Variants in TMPRSS11A observed in about 807,000 individuals in gnomAD.
The protein encoded by TMPRSS11A is transmembrane protease serine 11A.
A neutral mutation model predicts 58.9 loss-of-function variants in TMPRSS11A; 53 were observed. The observed-to-expected ratio is 0.90, with a 90% CI of 0.72 to 1.13. TMPRSS11A has a LOEUF of 1.13. TMPRSS11A is among the 50% of genes most tolerant of loss of function. The probability of loss-of-function intolerance (pLI) is 0.00; values close to 1 mark genes in which losing one functional copy is unlikely to be tolerated. For synonymous variants in TMPRSS11A, 167 were observed against 169.8 expected, an observed-to-expected ratio of 0.98 and a Z score of 0.13; for missense variants, 493 against 499.3, an observed-to-expected ratio of 0.99 and a Z score of 0.12.
At chr4:67,924,807 C>T (rs1223928533) in intron 5 of TMPRSS11A, among the ~76,000 whole-genome samples, 2 of 152,248 alleles carry the variant, frequency 1.3e-5, no homozygotes, top group East Asian at 3.9e-4. Context: ...CACCAGGTCC[C>T]TCTCACAACA....
At chr4:67,915,946 C>G (rs536569421) in intron 8 of TMPRSS11A, among the ~76,000 whole-genome samples, 1 of 152,154 alleles carries the variant, frequency 6.6e-6, no homozygotes, top group Non-Finnish European at 1.5e-5. Context: ...TACAAGAATA[C>G]GATATATCAT....
intron 7 of TMPRSS11A, 26 bp from the exon 8 acceptor site, chr4:67,919,258 A>T: frequency 6.2e-7 from 1 of 1,608,230 alleles, no homozygotes; most frequent in Non-Finnish European, 8.5e-7. Flanking sequence ...AATTAACAGA[A>T]TATATATAAG....
intron 8 of TMPRSS11A, among the ~76,000 whole-genome samples, chr4:67,916,165 A>G (rs1720139500): frequency 6.6e-6 from 1 of 152,206 alleles, no homozygotes; most frequent in Non-Finnish European, 1.5e-5. Context: ...ATTATGTAAA[A>G]TAAGACGCTT....
At chr4:67,959,387 G>A (rs1721370814) in intron 1 of TMPRSS11A, among the ~76,000 whole-genome samples, 1 of 152,120 alleles carries the variant, frequency 6.6e-6, no homozygotes, top group South Asian at 2.1e-4. Flanking sequence ...TATCTGCACA[G>A]CAAAAGAAAC....
At chr4:67,918,925 T>G (rs760573325) in intron 8 of TMPRSS11A, 48 bp downstream of exon 8, 1 of 1,591,924 alleles carries the variant, frequency 6.3e-7, no homozygotes, top group Non-Finnish European at 8.6e-7. Context: ...GAAATCACAT[T>G]GCCTTAGACA....
intron 1 of TMPRSS11A, among the ~76,000 whole-genome samples, chr4:67,958,872 C>T (rs1721354277): frequency 6.6e-6 from 1 of 152,182 alleles, no homozygotes; most frequent in Admixed American, 6.5e-5. Flanking sequence ...CAGATCTTTC[C>T]TATGCTATTC....
At chr4:67,923,949 A>C (rs1330322952) in intron 6 of TMPRSS11A, among the ~76,000 whole-genome samples, 179 bp downstream of exon 6, 2 of 152,022 alleles carry the variant, frequency 1.3e-5, no homozygotes, top group African/African-American at 4.8e-5. Flanking sequence ...TTTTTTCTTG[A>C]ACATGACTAA....
intron 5 of TMPRSS11A, 151 bp downstream of exon 5, chr4:67,929,729 T>C (rs758248767): frequency 6.8e-6 from 5 of 736,394 alleles, no homozygotes; most frequent in Non-Finnish European, 1.1e-5. Flanking sequence ...TAGAGACTAA[T>C]ACACCTTGAA....
chr4:67,961,227 A>G (rs969680721), intron 1 of TMPRSS11A, among the ~76,000 whole-genome samples: 2 of 152,156 alleles, frequency 1.3e-5, no homozygotes, highest in Non-Finnish European at 2.9e-5. Context: ...AGAAGTAAGA[A>G]TGGCTAGCAT....
Position 67,946,567 on chromosome 4 carries a change from C to T in TMPRSS11A, c.16G>A (p.Val6Met). The change falls in exon 2 of 10, where the codon GTG (valine) becomes ATG (methionine). Residue 6 changes from valine (V) to methionine (M), a missense_variant. Val to Met is a conservative substitution (Grantham distance 21). Coordinates refer to ENST00000508048, the MANE Select transcript of TMPRSS11A (RefSeq NM_001114387.2). ...TTTCTGCTTCGGGTGCCAAATCCCA[C>T]TGTCCTGAGAAAAGGAAGGGCCCAC... MMYRT[V>M]GFGTRSRNLK... 6.2e-7 allele frequency: 1 copy of T among 1,610,736 alleles called. No individual in the cohort carries two copies. Among genetic ancestry groups the T allele is most frequent in the Non-Finnish European group, 8.5e-7 (1 of 1,178,524 alleles).
At chr4:67,942,183 T>C (rs1720897152) in intron 3 of TMPRSS11A, among the ~76,000 whole-genome samples, 1 of 152,216 alleles carries the variant, frequency 6.6e-6, no homozygotes, top group Non-Finnish European at 1.5e-5. Flanking sequence ...TACTACTTTA[T>C]ACATATTAGG....
At chr4:67,930,481 CTT>C in intron 4 of TMPRSS11A, among the ~76,000 whole-genome samples, 1 of 152,214 alleles carries the variant, frequency 6.6e-6, no homozygotes, top group Non-Finnish European at 1.5e-5. Context: ...GTCAGCTCTG[CTT>C]TTAAGAGTTC....
In TMPRSS11A at chr4:67,910,208, T is replaced by G. The variant is rs1191124351; in HGVS notation, c.*1134A>C. On this transcript the variant is annotated 3_prime_UTR_variant, in exon 10 of 10. Coordinates refer to ENST00000508048, the MANE Select transcript of TMPRSS11A (RefSeq NM_001114387.2). ...TTGTGGACCACATATAACAAAGTGG[T>G]CCAAAAGAGAAAACATACTATATGT... 1 of 151,976 alleles carries G rather than the reference T, an allele frequency of 6.6e-6. No individual in the cohort carries two copies. The highest frequency in any genetic ancestry group is 2.4e-5 in the African/African-American group (1 of 41,428). The allele number at this position is 151,976 out of a possible 1,614,324, so 9.4% of individuals were successfully genotyped here. A position where few individuals can be genotyped will look rare whatever the true frequency, so the allele number is the denominator to read the frequency against.
At chr4:67,929,853 A>C in intron 5 of TMPRSS11A, 27 bp downstream of exon 5, 1 of 1,571,800 alleles carries the variant, frequency 6.4e-7, no homozygotes, top group Non-Finnish European at 8.7e-7. Flanking sequence ...AGACAACTTC[A>C]TATCACATAG....
At chr4:67,924,838 C>A (rs1290118188) in intron 5 of TMPRSS11A, among the ~76,000 whole-genome samples, 8 of 152,122 alleles carry the variant, frequency 5.3e-5, no homozygotes, top group Admixed American at 3.9e-4. Context: ...ATGGGGGCTA[C>A]AATTCGAGAT....
At chr4:67,940,482 TCCAGGAATTTAC>T (rs1438060530) in intron 3 of TMPRSS11A, among the ~76,000 whole-genome samples, 1 of 152,196 alleles carries the variant, frequency 6.6e-6, no homozygotes, top group East Asian at 1.9e-4. Context: ...ATTGTGTTTT[TCCAGGAATTTAC>T]CCATTTCCTC....
intron 1 of TMPRSS11A, among the ~76,000 whole-genome samples, chr4:67,958,675 G>A (rs939471993): frequency 1.3e-5 from 2 of 152,182 alleles, no homozygotes; most frequent in African/African-American, 4.8e-5. Context: ...AATGAGTTAA[G>A]ACTTTGGATG....
At chr4:67,935,357 A>G (rs1410189836) in intron 3 of TMPRSS11A, among the ~76,000 whole-genome samples, 1 of 152,116 alleles carries the variant, frequency 6.6e-6, no homozygotes, top group Non-Finnish European at 1.5e-5. Flanking sequence ...CTCATTCTGC[A>G]AGTTCTGTGT....
chr4:67,939,532 T>C (rs1720830607), intron 3 of TMPRSS11A, among the ~76,000 whole-genome samples: 1 of 152,192 alleles, frequency 6.6e-6, no homozygotes, highest in Non-Finnish European at 1.5e-5. Flanking sequence ...GCCCATTCAG[T>C]GTGATGATGG....
Sources: gnomAD v4.1 joint callset for allele counts (sites outside exome capture counted in the v4.1 genomes callset) on GRCh38, gnomAD v4.1.1 for gene constraint, MANE v1.5 for transcripts, NCBI Gene and HGNC (gene_info 2026-07-23, HGNC 2026-07-21) for gene names.